Variants in LSP1 observed in about 807,000 individuals in gnomAD.
The protein encoded by LSP1 is lymphocyte-specific protein 1.
A neutral mutation model predicts 49.3 loss-of-function variants in LSP1; 32 were observed. The observed-to-expected ratio is 0.65, with a 90% confidence interval of 0.49 to 0.87. The LOEUF (loss-of-function observed/expected upper bound fraction) is 0.87. Among genes scored for constraint, LSP1 ranks in the 40% least tolerant of loss-of-function variants. The pLI is 0.00. For missense variants in LSP1, 428 were observed against 442.6 expected (o/e 0.97, Z 0.30); for synonymous variants, 179 against 178.8 (o/e 1.00, Z -0.01).
At chr11:1,868,981 G>T (rs1847885480) in intron 1 of LSP1, 9 of 986,304 alleles carry the variant, frequency 9.1e-6, no homozygotes, top group Non-Finnish European at 1.1e-5. Flanking sequence ...GAGCGGCTTG[G>T]CAGAGGTCGG....
At chr11:1,865,667 C>T (rs531967564) in intron 1 of LSP1, among the ~76,000 whole-genome samples, 125 of 150,390 alleles carry the variant, frequency 8.3e-4, no homozygotes, top group African/African-American at 2.9e-3. Context: ...CACGCCGTCC[C>T]ACCTGCACCG....
intron 2 of LSP1, 187 bp from the exon 3 acceptor site, chr11:1,881,245 G>A (rs620315): frequency 0.38 from 210,063 of 555,770 alleles, 41,597 homozygotes; most frequent in East Asian, 0.56. Context: ...CAGAACTGAC[G>A]GGGGAGGCAT....
At chr11:1,874,326 C>T (rs2133094402) in intron 1 of LSP1, among the ~76,000 whole-genome samples, 1 of 81,272 alleles carries the variant, frequency 1.2e-5, no homozygotes, top group South Asian at 3.7e-4. Flanking sequence ...AGGCCGGGGA[C>T]AGTGGGGGCA....
chr11:1,872,890 G>C (rs572805276), intron 1 of LSP1, among the ~76,000 whole-genome samples: 1 of 152,096 alleles, frequency 6.6e-6, no homozygotes, highest in East Asian at 1.9e-4. Flanking sequence ...TGCAGCACTG[G>C]GTGGGTCATG....
chr11:1,872,529 G>A, intron 1 of LSP1, among the ~76,000 whole-genome samples: 1 of 139,234 alleles, frequency 7.2e-6, no homozygotes, highest in Non-Finnish European at 1.6e-5. Context: ...AGTCACCCTG[G>A]TGCACGCTGG....
At chr11:1,887,648 G>C in intron 10 of LSP1, 72 bp downstream of exon 10, 1 of 1,252,260 alleles carries the variant, frequency 8.0e-7, no homozygotes, top group Non-Finnish European at 1.1e-6. Context: ...TTGGCAACCT[G>C]GAGGCTGCCT....
At chr11:1,860,849 T>TATGGGTGG (rs1554972244) in intron 1 of LSP1, among the ~76,000 whole-genome samples, 1 of 151,736 alleles carries the variant, frequency 6.6e-6, no homozygotes. Context: ...TGGAATTATG[T>TATGGGTGG]ATGGGTGGAT....
intron 1 of LSP1, among the ~76,000 whole-genome samples, chr11:1,871,567 G>C (rs1231769849): frequency 6.6e-6 from 1 of 152,234 alleles, no homozygotes; most frequent in Non-Finnish European, 1.5e-5. Context: ...CCATTTTCCA[G>C]TCTCAGCAGG....
intron 10 of LSP1, chr11:1,891,483 A>G (rs1294402381): frequency 6.6e-6 from 1 of 152,282 alleles, no homozygotes; most frequent in African/African-American, 2.4e-5. Context: ...CGAGAACCCC[A>G]GTTCTAGCTC....
intron 10 of LSP1, chr11:1,889,451 G>A (rs1565091018): frequency 4.7e-6 from 3 of 644,996 alleles, no homozygotes; most frequent in Non-Finnish European, 8.6e-6. Context: ...GCTCTGTGGG[G>A]GCAGGCACCT....
intron 10 of LSP1, chr11:1,889,412 C>A (rs1848892130): frequency 1.5e-6 from 1 of 681,834 alleles, no homozygotes. Flanking sequence ...AGGCGGGGGC[C>A]CGGGGTGCGG....
intron 3 of LSP1, among the ~76,000 whole-genome samples, chr11:1,881,879 C>T (rs762818052): frequency 2.7e-4 from 41 of 152,132 alleles, no homozygotes; most frequent in Admixed American, 1.2e-3. Context: ...CGAGGGGCCG[C>T]GAGGAAACCT....
intron 1 of LSP1, among the ~76,000 whole-genome samples, chr11:1,865,642 G>A (rs1371150734): frequency 6.8e-6 from 1 of 147,222 alleles, no homozygotes; most frequent in Non-Finnish European, 1.5e-5. Context: ...ACCACCGACT[G>A]CACTGTCACC....
chr11:1,866,732 C>T (rs1204836970), intron 1 of LSP1: 3 of 1,550,418 alleles, frequency 1.9e-6, no homozygotes, highest in Non-Finnish European at 2.6e-6. Flanking sequence ...TTGAGGAGTG[C>T]CTGGGGTCAA....
chr11:1,889,791 C>T (rs1248938300), intron 10 of LSP1: 1 of 646,144 alleles, frequency 1.5e-6, no homozygotes. Context: ...CACCACAACC[C>T]TGGCACTAGC....
At chr11:1,878,481 G>A (rs556391216) in intron 1 of LSP1, among the ~76,000 whole-genome samples, 2 of 149,836 alleles carry the variant, frequency 1.3e-5, no homozygotes, top group South Asian at 2.1e-4. Flanking sequence ...ATTCGGGGGC[G>A]CGGGGGGCGG....
chr11:1,883,608 T>A (rs1589829510), intron 4 of LSP1, 48 bp downstream of exon 4: 1 of 1,557,438 alleles, frequency 6.4e-7, no homozygotes, highest in East Asian at 2.4e-5. Flanking sequence ...ACCCCAGGGA[T>A]GAGTCTGCCT....
intron 1 of LSP1, chr11:1,866,854 A>G: frequency 6.5e-7 from 1 of 1,545,484 alleles, no homozygotes; most frequent in Non-Finnish European, 8.7e-7. Context: ...CCCCCTTGTC[A>G]CCAGGGGCTC....
intron 1 of LSP1, among the ~76,000 whole-genome samples, chr11:1,853,757 C>T (rs770439670): frequency 3.9e-5 from 6 of 152,200 alleles, no homozygotes; most frequent in Non-Finnish European, 8.8e-5. Context: ...GCCAAGGATT[C>T]TGGCAGGTGC....
Sources: allele counts gnomAD v4.1 joint callset (sites outside exome capture counted in the v4.1 genomes callset), GRCh38; gene constraint gnomAD v4.1.1; transcripts MANE v1.5; gene names NCBI Gene and HGNC (gene_info 2026-07-23, HGNC 2026-07-21).